ADAMTS9: variants seen among roughly 807,000 people sequenced by gnomAD.
ADAMTS9 encodes ADAM metallopeptidase with thrombospondin type 1 motif 9, also known as A disintegrin and metalloproteinase with thrombospondin motifs 9.
In ADAMTS9, 107 loss-of-function variants were observed where a neutral mutation model predicts 257.1. The ratio of observed to expected loss-of-function variants is 0.42; its 90% CI spans 0.36 to 0.49. ADAMTS9 has a LOEUF of 0.49. ADAMTS9 is among the 20% of genes least tolerant of loss of function. The probability of loss-of-function intolerance (pLI) is 0.03; values close to 1 mark genes in which losing one functional copy is unlikely to be tolerated. For missense variants in ADAMTS9, 2,353 were observed against 2,469.1 expected, an observed-to-expected ratio of 0.95 and a Z score of 1.00; for synonymous variants, 982 against 880.9, an observed-to-expected ratio of 1.11 and a Z score of -2.03.
chr3:64,683,239 AC>A (rs373809428), intron 2 of ADAMTS9, among the ~76,000 whole-genome samples: 5 of 152,172 alleles, frequency 3.3e-5, no homozygotes, highest in African/African-American at 1.2e-4. Flanking sequence ...ACGATTTGCC[AC>A]CTTTGATTGG....
chr3:64,581,181 A>T (rs1419650930), intron 28 of ADAMTS9, among the ~76,000 whole-genome samples: 1 of 152,180 alleles, frequency 6.6e-6, no homozygotes, highest in Non-Finnish European at 1.5e-5. Context: ...ACTTCTAGTC[A>T]AATCCATTTG....
chr3:64,533,136 TC>T lies in ADAMTS9; in HGVS notation c.5718+29del, dbSNP rs761365764. 4.5e-6 allele frequency: 7 copies of T among 1,562,790 alleles called. 1 individual carries two copies. The South Asian group carries it at 7.9e-5, about 18-fold the overall frequency. On this transcript the variant is annotated intron_variant, in intron 38 of 39. Transcript: ENST00000498707. Reference sequence around the variant, plus strand: ...AAGAACGAAAGAAAGAAATAAAAATTCATCTCCCAACCCATCTGTAGAACCT... The same window carrying T: ...AAGAACGAAAGAAAGAAATAAAAATTATCTCCCAACCCATCTGTAGAACCT...
chr3:64,668,953 C>T (rs56116900), intron 3 of ADAMTS9, among the ~76,000 whole-genome samples: 26,037 of 152,074 alleles, frequency 0.17, 2,574 homozygotes, highest in Non-Finnish European at 0.23. Flanking sequence ...TTTACAGGCA[C>T]TGAGGACTGG....
At chr3:64,549,575 T>C (rs2083244237) in intron 31 of ADAMTS9, among the ~76,000 whole-genome samples, 1 of 152,154 alleles carries the variant, frequency 6.6e-6, no homozygotes, top group African/African-American at 2.4e-5. Context: ...TCTAAGGGCA[T>C]GCGGTACTAC....
chr3:64,612,334 T>C (rs1398521476), intron 22 of ADAMTS9, among the ~76,000 whole-genome samples: 40 of 152,172 alleles, frequency 2.6e-4, no homozygotes, highest in Non-Finnish European at 7.3e-5. Flanking sequence ...TGTGTTCTCC[T>C]CCTCTTATTA....
intron 38 of ADAMTS9, among the ~76,000 whole-genome samples, chr3:64,532,530 C>G (rs2082995538): frequency 6.6e-6 from 1 of 152,132 alleles, no homozygotes; most frequent in South Asian, 2.1e-4. Flanking sequence ...GTTTCTCAAG[C>G]TGTACTGTGC....
chr3:64,540,586 G>A (rs1177438386), intron 36 of ADAMTS9, among the ~76,000 whole-genome samples: 2 of 152,172 alleles, frequency 1.3e-5, no homozygotes, highest in Non-Finnish European at 2.9e-5. Context: ...GGTGGTGAAT[G>A]TTGCCCATGA....
intron 11 of ADAMTS9, among the ~76,000 whole-genome samples, chr3:64,645,104 C>A (rs1048156618): frequency 3.9e-5 from 6 of 152,094 alleles, no homozygotes; most frequent in African/African-American, 1.4e-4. Context: ...CAGGCAAATT[C>A]TACAAATAAT....
chr3:64,643,173 G>A (rs987854116), intron 11 of ADAMTS9, among the ~76,000 whole-genome samples: 23 of 152,228 alleles, frequency 1.5e-4, no homozygotes, highest in Admixed American at 3.3e-4. Context: ...TGGGGACTAC[G>A]TCGCTCTCTG....
At chr3:64,632,104 G>A (rs1394454976) in intron 14 of ADAMTS9, among the ~76,000 whole-genome samples, 179 bp from the exon 15 acceptor site, 1 of 152,088 alleles carries the variant, frequency 6.6e-6, no homozygotes, top group African/African-American at 2.4e-5. Context: ...GTGGTCCTTG[G>A]ACCAGCAGCC....
intron 30 of ADAMTS9, among the ~76,000 whole-genome samples, chr3:64,555,260 G>T (rs964661186): frequency 6.6e-6 from 1 of 152,162 alleles, no homozygotes; most frequent in Non-Finnish European, 1.5e-5. Context: ...TCATTTTAAA[G>T]TCAGGTATAC....
chr3:64,648,052 A>G lies in ADAMTS9; in HGVS notation c.1606-8T>C, dbSNP rs759962869. On this transcript the variant is annotated splice_region_variant and splice_polypyrimidine_tract_variant and intron_variant, in intron 10 of 39. Transcript: ENST00000498707. ...GAGCCGTCTGCACTGCATCTGCTCA[A>G]TTCAATGAAATGGCAATTGAGTGAC... 1.2e-6 allele frequency: 2 copies of G among 1,601,994 alleles called. No individual in the cohort carries two copies. The highest frequency in any genetic ancestry group is 2.2e-5 in the South Asian group (2 of 89,074).
Position 64,681,338 on chromosome 3 carries a change from C to G in ADAMTS9, c.542G>C (p.Gly181Ala), listed in dbSNP as rs575744916. ...GMLGTFRSHD[G>A]DYFIEPLQSM... ...CTGTAGTGGTTCAATAAAATAATCC[C>G]CATCATGAGACCGGAATGTGCCCAG... is the stretch of plus-strand genomic sequence containing the variant. The change falls in exon 3 of 40, where the codon GGG (glycine) becomes GCG (alanine). Residue 181 changes from glycine (G) to alanine (A), a missense_variant. This residue lies in a region of ADAMTS9 where 591 missense variants were observed against 569.6 expected (regional missense o/e 1.04). Transcript: ENST00000498707. 7.4e-6 allele frequency: 12 copies of G among 1,612,318 alleles called. No individual in the cohort carries two copies. Among genetic ancestry groups the G allele is most frequent in the Non-Finnish European group, 1.0e-5 (12 of 1,179,188 alleles).
At chr3:64,573,816 G>A (rs777195317) in intron 28 of ADAMTS9, among the ~76,000 whole-genome samples, 3 of 152,152 alleles carry the variant, frequency 2.0e-5, no homozygotes, top group Admixed American at 6.5e-5. Flanking sequence ...GGGAGGCAAA[G>A]GAGATGCCAG....
intron 12 of ADAMTS9, among the ~76,000 whole-genome samples, chr3:64,637,388 T>A (rs879697150): frequency 2.2e-4 from 34 of 152,186 alleles, no homozygotes; most frequent in Non-Finnish European, 4.0e-4. Flanking sequence ...GCATGTCAAA[T>A]AGGGATAGGG....
At chr3:64,610,220 C>T (rs1033314106) in intron 22 of ADAMTS9, among the ~76,000 whole-genome samples, 8 of 152,168 alleles carry the variant, frequency 5.3e-5, no homozygotes, top group African/African-American at 1.9e-4. Flanking sequence ...ACTTCCTTGA[C>T]ATCATAAACA....
At chr3:64,597,656 C>T (rs141275791) in intron 26 of ADAMTS9, among the ~76,000 whole-genome samples, 295 of 152,308 alleles carry the variant, frequency 1.9e-3, no homozygotes, top group African/African-American at 6.9e-3. Flanking sequence ...AACCTCTCTT[C>T]GGCCGTGCTT....
intron 28 of ADAMTS9, among the ~76,000 whole-genome samples, chr3:64,577,025 G>A (rs1187173708): frequency 6.6e-6 from 1 of 152,030 alleles, no homozygotes; most frequent in African/African-American, 2.4e-5. Flanking sequence ...ATATTAGAGG[G>A]GAAAATAAAT....
At chr3:64,670,336 A>G (rs1236082645) in intron 3 of ADAMTS9, among the ~76,000 whole-genome samples, 1 of 152,224 alleles carries the variant, frequency 6.6e-6, no homozygotes, top group Non-Finnish European at 1.5e-5. Context: ...GTTTCTGGAT[A>G]CAGATGAGCA....
Sources: gnomAD v4.1 joint callset for allele counts (sites outside exome capture counted in the v4.1 genomes callset) on GRCh38, gnomAD v4.1.1 for gene constraint, gnomAD v4.1.1 regional missense constraint, MANE v1.5 for transcripts, NCBI Gene and HGNC (gene_info 2026-07-23, HGNC 2026-07-21) for gene names.